Variants in SEZ6L observed in about 807,000 individuals in gnomAD.
SEZ6L encodes the protein seizure 6-like protein.
In SEZ6L, 37 loss-of-function variants were observed where a neutral mutation model predicts 106.2. The observed-to-expected ratio is 0.35, with a 90% CI of 0.27 to 0.46. The LOEUF (loss-of-function observed/expected upper bound fraction) is 0.46, where lower values mean the gene tolerates loss of function less well. Among genes scored for constraint, SEZ6L ranks in the 20% least tolerant of loss-of-function variants. The pLI, the probability that SEZ6L is intolerant of heterozygous loss-of-function variation, is 1.00. For missense variants in SEZ6L, 1,172 were observed against 1,332.8 expected (o/e 0.88, Z 1.88); for synonymous variants, 541 against 570.4 (o/e 0.95, Z 0.73).
At chr22:26,186,903 G>A (rs904585728) in intron 1 of SEZ6L, among the ~76,000 whole-genome samples, 5 of 152,040 alleles carry the variant, frequency 3.3e-5, no homozygotes, top group Non-Finnish European at 7.4e-5. Context: ...TTTTTGGGTT[G>A]GATAATGCTG....
intron 1 of SEZ6L, among the ~76,000 whole-genome samples, chr22:26,284,625 A>AG (rs1223560243): frequency 7.6e-6 from 1 of 132,124 alleles, no homozygotes; most frequent in Non-Finnish European, 1.6e-5. Flanking sequence ...AAAAAAAAAA[A>AG]AAAAAAACCC....
At chr22:26,329,902 A>G (rs1032508275) in intron 9 of SEZ6L, among the ~76,000 whole-genome samples, 1 of 152,226 alleles carries the variant, frequency 6.6e-6, no homozygotes, top group Non-Finnish European at 1.5e-5. Context: ...ATTGCATACA[A>G]CGGAATTTAC....
At chr22:26,259,908 G>A (rs1198188972) in intron 1 of SEZ6L, among the ~76,000 whole-genome samples, 1 of 152,122 alleles carries the variant, frequency 6.6e-6, no homozygotes. Context: ...ACTATATAGG[G>A]ATCTAATTTT....
At chr22:26,259,179 C>T (rs998181555) in intron 1 of SEZ6L, among the ~76,000 whole-genome samples, 1 of 152,156 alleles carries the variant, frequency 6.6e-6, no homozygotes, top group Admixed American at 6.5e-5. Flanking sequence ...AAATATTTTT[C>T]ATCCCAAATG....
At chr22:26,251,490 C>T (rs964251452) in intron 1 of SEZ6L, among the ~76,000 whole-genome samples, 5 of 152,304 alleles carry the variant, frequency 3.3e-5, no homozygotes, top group African/African-American at 1.2e-4. Context: ...TCAGCAAGTG[C>T]TGCATGTCCC....
At chr22:26,358,955 CCTTAGATGAT>C (rs2083525736) in intron 12 of SEZ6L, among the ~76,000 whole-genome samples, 1 of 152,082 alleles carries the variant, frequency 6.6e-6, no homozygotes, top group Non-Finnish European at 1.5e-5. Context: ...AGAAAACCTG[CCTTAGATGAT>C]CTTATTTCAA....
intron 1 of SEZ6L, among the ~76,000 whole-genome samples, chr22:26,289,120 C>T (rs1268102838): frequency 5.3e-5 from 8 of 152,170 alleles, no homozygotes; most frequent in South Asian, 2.1e-4. Context: ...GAAGAGGAGA[C>T]CCATGCAAAG....
At chr22:26,236,363 A>G (rs1057366184) in intron 1 of SEZ6L, among the ~76,000 whole-genome samples, 6 of 152,146 alleles carry the variant, frequency 3.9e-5, no homozygotes, top group Non-Finnish European at 7.3e-5. Flanking sequence ...TGCCTGAATG[A>G]TGTATGACTC....
At chr22:26,364,535 G>A (rs775748779) in intron 12 of SEZ6L, among the ~76,000 whole-genome samples, 1 of 152,094 alleles carries the variant, frequency 6.6e-6, no homozygotes, top group Non-Finnish European at 1.5e-5. Flanking sequence ...TAAGGCTGCA[G>A]TGAGCCGTGC....
chr22:26,227,062 C>G lies in SEZ6L; in HGVS notation c.94+57299C>G, dbSNP rs1430767199. ...AAGCTCAGTTCAATTCTAACTGATACAAGCTCCATGAACATGTGCACCGTG... is the reference window on the plus strand; with the variant it reads ...AAGCTCAGTTCAATTCTAACTGATAGAAGCTCCATGAACATGTGCACCGTG... On this transcript the variant is annotated intron_variant, in intron 1 of 16. Transcript: ENST00000248933. Among the ~76,000 whole-genome samples, 3 of 152,148 alleles carry G rather than the reference C, an allele frequency of 2.0e-5. No individual in the cohort carries two copies. The East Asian group carries it at 5.8e-4, about 29-fold the overall frequency.
chr22:26,310,878 G>A lies in SEZ6L; in HGVS notation c.1681+42G>A, dbSNP rs775029016. ...GCTTCCCTTTCTCTTGTGGGGCTGG[G>A]GGTAGCCTGGGAGCAGGGAAAGCAT... On this transcript the variant is annotated intron_variant, in intron 7 of 16. Transcript: ENST00000248933. The A allele has an allele frequency of 4.4e-6, 7 of 1,592,430 alleles. No homozygotes were observed. In the South Asian group the frequency reaches 6.7e-5, roughly 15 times the overall value.
intron 1 of SEZ6L, among the ~76,000 whole-genome samples, chr22:26,278,834 AAAGAAAAGGAAAGAAAG>A (rs1233379404): frequency 6.8e-6 from 1 of 147,608 alleles, no homozygotes; most frequent in African/African-American, 2.5e-5. Context: ...AGAAACAGAA[AAAGAAAAGGAAAGAAAG>A]AAGAAAAGAA....
rs1433469995 is a variant in SEZ6L, at chr22:26,284,627, A to AC, written c.95-7779_95-7778insC. On this transcript the variant is annotated intron_variant, in intron 1 of 16. Coordinates refer to ENST00000248933, the MANE Select transcript of SEZ6L (RefSeq NM_021115.5). ...TCCAAAAAAAAAAAAAAAAAAAAAA[A>AC]AAAAACCCTAATGACGGTTTAAACA... is the stretch of plus-strand genomic sequence containing the variant. 7.0e-5 allele frequency among the ~76,000 whole-genome samples: 10 copies of AC among 143,020 alleles called. No homozygotes were observed. In the East Asian group the frequency reaches 1.7e-3, roughly 25 times the overall value. 93.8% of individuals were successfully genotyped at this position (143,020 alleles called of 152,430 possible). A position where few individuals can be genotyped will look rare whatever the true frequency, so the allele number is the denominator to read the frequency against.
intron 1 of SEZ6L, among the ~76,000 whole-genome samples, chr22:26,176,098 C>G (rs920815226): frequency 7.9e-5 from 12 of 152,216 alleles, no homozygotes; most frequent in Non-Finnish European, 1.6e-4. Context: ...TGTGCTTTTC[C>G]TGTATTCACG....
chr22:26,175,609 C>G (rs2123764298), intron 1 of SEZ6L, among the ~76,000 whole-genome samples: 1 of 152,270 alleles, frequency 6.6e-6, no homozygotes, highest in Admixed American at 6.5e-5. Context: ...AGGGATTATT[C>G]TTTCCAGTTG....
chr22:26,246,313 A>T (rs1054693820), intron 1 of SEZ6L, among the ~76,000 whole-genome samples: 5 of 152,308 alleles, frequency 3.3e-5, no homozygotes, highest in African/African-American at 1.2e-4. Context: ...TTTAGTCCAC[A>T]TCGTATTACT....
At chr22:26,370,828 A>G (rs2146073966) in intron 13 of SEZ6L, among the ~76,000 whole-genome samples, 1 of 152,048 alleles carries the variant, frequency 6.6e-6, no homozygotes, top group Admixed American at 6.5e-5. Flanking sequence ...AAATAGTGGG[A>G]CCTCATTTCT....
rs1472751847 is a variant in SEZ6L, at chr22:26,292,781, TCTC to T, written c.478_480del (p.Ser160del). 8.1e-6 allele frequency: 13 copies of T among 1,613,894 alleles called. No homozygotes were observed. The highest frequency in any genetic ancestry group is 3.3e-5 in the Admixed American group (2 of 59,994). ...CCAGCGTCCCAGGGCCTAGATCTCC[TCTC>T]CTCCTCCACGGAGAAGCCTGGCCCA... On this transcript the variant is annotated inframe_deletion, in exon 2 of 17. Coordinates refer to ENST00000248933, the MANE Select transcript of SEZ6L (RefSeq NM_021115.5).
At chr22:26,350,179 T>TA (rs2083224951) in intron 11 of SEZ6L, among the ~76,000 whole-genome samples, 1 of 147,860 alleles carries the variant, frequency 6.8e-6, no homozygotes, top group South Asian at 2.1e-4. Flanking sequence ...AATTCATATA[T>TA]ATGTGTGTGT....
Sources: gnomAD v4.1 joint callset for allele counts (sites outside exome capture counted in the v4.1 genomes callset) on GRCh38, gnomAD v4.1.1 for gene constraint, MANE v1.5 for transcripts, NCBI Gene and HGNC (gene_info 2026-07-23, HGNC 2026-07-21) for gene names.